Variants in BAZ2B observed in about 807,000 individuals in gnomAD.
BAZ2B encodes bromodomain adjacent to zinc finger domain protein 2B.
BAZ2B carries 91 observed loss-of-function variants against 246.0 expected under a neutral mutation model. The ratio of observed to expected loss-of-function variants is 0.37; its 90% CI spans 0.31 to 0.44. BAZ2B has a LOEUF of 0.44. BAZ2B is among the 20% of genes least tolerant of loss of function. The pLI is 1.00. For synonymous variants in BAZ2B, 855 were observed against 860.0 expected (o/e 0.99, Z 0.10); for missense variants, 2,332 against 2,533.7 (o/e 0.92, Z 1.71).
At chr2:159,618,514 A>G (rs1173027589), upstream of BAZ2B, among the ~76,000 whole-genome samples, 2 of 152,162 alleles carry the variant, frequency 1.3e-5, no homozygotes, top group East Asian at 3.8e-4. Flanking sequence ...AGATTAAAAT[A>G]TAAGTATGAA....
chr2:159,692,146 CT>C, the BAZ2B span, among the ~76,000 whole-genome samples: 1 of 151,564 alleles, frequency 6.6e-6, no homozygotes, highest in African/African-American at 2.4e-5. Context: ...ATATACCTAA[CT>C]TTTTCTTAAT....
At chr2:159,333,922 T>C (rs1367962766) in intron 33 of BAZ2B, among the ~76,000 whole-genome samples, 1 of 152,172 alleles carries the variant, frequency 6.6e-6, no homozygotes, top group Non-Finnish European at 1.5e-5. Flanking sequence ...CAGTTTAACA[T>C]TCCAATAATC....
chr2:159,695,828 C>T, the BAZ2B span, among the ~76,000 whole-genome samples: 2 of 152,058 alleles, frequency 1.3e-5, no homozygotes, highest in Non-Finnish European at 2.9e-5. Context: ...GATCTTGGCT[C>T]ATTGCAACCT....
At chr2:159,450,591 T>C (rs1438958847) in intron 4 of BAZ2B, among the ~76,000 whole-genome samples, 1 of 152,188 alleles carries the variant, frequency 6.6e-6, no homozygotes, top group Non-Finnish European at 1.5e-5. Flanking sequence ...GACAAGCTTG[T>C]CTTCTAAATT....
At chr2:159,491,483 G>T (rs1194203540) in intron 2 of BAZ2B, among the ~76,000 whole-genome samples, 1 of 151,662 alleles carries the variant, frequency 6.6e-6, no homozygotes, top group Non-Finnish European at 1.5e-5. Flanking sequence ...CACTTTGGGA[G>T]GCCGAGGCGG....
the BAZ2B span, among the ~76,000 whole-genome samples, chr2:159,639,475 C>G: frequency 6.6e-6 from 1 of 152,034 alleles, no homozygotes; most frequent in Admixed American, 6.6e-5. Flanking sequence ...TAACTACAAG[C>G]ATTTCTAGAC....
chr2:159,557,874 C>T (rs995096550), intron 1 of BAZ2B, among the ~76,000 whole-genome samples: 2 of 151,738 alleles, frequency 1.3e-5, no homozygotes, highest in Non-Finnish European at 2.9e-5. Context: ...GCCATAACAA[C>T]TTGGTATACG....
intron 21 of BAZ2B, among the ~76,000 whole-genome samples, chr2:159,387,820 A>G (rs956763495): frequency 3.3e-5 from 5 of 152,148 alleles, no homozygotes; most frequent in Non-Finnish European, 1.5e-5. Context: ...AAGCTTGATC[A>G]CTATGAGCTT....
chr2:159,667,407 C>T, the BAZ2B span, among the ~76,000 whole-genome samples: 1 of 151,614 alleles, frequency 6.6e-6, no homozygotes, highest in Non-Finnish European at 1.5e-5. Context: ...ACCAGCCTGG[C>T]CAACATGGTG....
At chr2:159,657,417 T>C in the BAZ2B span, among the ~76,000 whole-genome samples, 1 of 152,200 alleles carries the variant, frequency 6.6e-6, no homozygotes, top group African/African-American at 2.4e-5. Context: ...TCTAACCTTG[T>C]TCTTCAATAT....
intron 1 of BAZ2B, among the ~76,000 whole-genome samples, chr2:159,565,796 A>T (rs1432387283): frequency 6.7e-6 from 1 of 150,062 alleles, no homozygotes; most frequent in African/African-American, 2.4e-5. Flanking sequence ...AAAAAAAGGA[A>T]AAAAAAAAAA....
At chr2:159,505,029 T>C (rs2082189478) in intron 2 of BAZ2B, among the ~76,000 whole-genome samples, 4 of 152,198 alleles carry the variant, frequency 2.6e-5, no homozygotes, top group Admixed American at 2.6e-4. Flanking sequence ...CTGATTTTAA[T>C]CTTGATGGAC....
chr2:159,485,748 G>A (rs1392147591), intron 2 of BAZ2B, among the ~76,000 whole-genome samples: 1 of 152,022 alleles, frequency 6.6e-6, no homozygotes, highest in African/African-American at 2.4e-5. Flanking sequence ...ATACTGCATT[G>A]AAATATTTAA....
intron 1 of BAZ2B, among the ~76,000 whole-genome samples, chr2:159,609,744 C>T (rs1291039477): frequency 6.6e-6 from 1 of 150,678 alleles, no homozygotes; most frequent in African/African-American, 2.4e-5. Flanking sequence ...GTGTTGCAAA[C>T]ACAGCTAAAA....
intron 3 of BAZ2B, among the ~76,000 whole-genome samples, chr2:159,456,267 A>G (rs902763054): frequency 6.6e-6 from 1 of 152,086 alleles, no homozygotes; most frequent in African/African-American, 2.4e-5. Flanking sequence ...ATTGGTAATA[A>G]TTGGTAGTAA....
chr2:159,668,640 G>C, the BAZ2B span, among the ~76,000 whole-genome samples: 11 of 151,996 alleles, frequency 7.2e-5, no homozygotes, highest in African/African-American at 1.9e-4. Context: ...TCTCTCATCT[G>C]TTTTTTGGGT....
the BAZ2B span, among the ~76,000 whole-genome samples, chr2:159,674,573 G>C: frequency 6.6e-6 from 1 of 151,766 alleles, no homozygotes. Flanking sequence ...AAAATTAGCC[G>C]GGTGTGGTGG....
the BAZ2B span, among the ~76,000 whole-genome samples, chr2:159,706,084 A>AACAC: frequency 2.2e-4 from 33 of 149,770 alleles, no homozygotes; most frequent in East Asian, 7.8e-4. Flanking sequence ...AAACATATAT[A>AACAC]ACACACACAC....
chr2:159,332,713 A>C (rs767013275), intron 33 of BAZ2B, 27 bp from the exon 34 acceptor site: 1 of 1,611,270 alleles, frequency 6.2e-7, no homozygotes, highest in Non-Finnish European at 8.5e-7. Flanking sequence ...ATCATTTAAA[A>C]TTAACGCTCT....
Sources: allele counts gnomAD v4.1 joint callset (sites outside exome capture counted in the v4.1 genomes callset), GRCh38; gene constraint gnomAD v4.1.1; transcripts MANE v1.5; gene names NCBI Gene and HGNC (gene_info 2026-07-23, HGNC 2026-07-21).